Variants in TNIK observed in about 807,000 individuals in gnomAD.
TNIK encodes the protein TRAF2 and NCK interacting kinase, also known as TRAF2 and NCK-interacting protein kinase.
In TNIK, 49 loss-of-function variants were observed where a neutral mutation model predicts 191.3. The ratio of observed to expected loss-of-function variants is 0.26; its 90% confidence interval spans 0.20 to 0.32. The LOEUF (loss-of-function observed/expected upper bound fraction) is 0.32, where lower values mean the gene tolerates loss of function less well. Among genes scored for constraint, TNIK ranks in the 10% least tolerant of loss-of-function variants. The pLI is 1.00. For missense variants in TNIK, 1,155 were observed against 1,702.3 expected (o/e 0.68, Z 5.66); for synonymous variants, 594 against 600.9 (o/e 0.99, Z 0.17).
intron 2 of TNIK, among the ~76,000 whole-genome samples, chr3:171,290,414 A>T (rs1183297031): frequency 1.3e-5 from 2 of 152,144 alleles, no homozygotes; most frequent in African/African-American, 2.4e-5. Context: ...TAGGGAAATA[A>T]TTTTTTCTCA....
At chr3:171,104,399 A>G (rs1032322630) in intron 21 of TNIK, among the ~76,000 whole-genome samples, 10 of 150,638 alleles carry the variant, frequency 6.6e-5, no homozygotes, top group Admixed American at 5.9e-4. Context: ...GGCTGTCACA[A>G]GCCTGGAGCT....
intron 2 of TNIK, among the ~76,000 whole-genome samples, chr3:171,239,870 C>A (rs1161185139): frequency 6.6e-6 from 1 of 152,008 alleles, no homozygotes; most frequent in Non-Finnish European, 1.5e-5. Context: ...GAAACCTGTA[C>A]TCTCCCATCA....
intron 22 of TNIK, among the ~76,000 whole-genome samples, chr3:171,095,015 A>G (rs556868879): frequency 5.9e-5 from 9 of 152,352 alleles, no homozygotes; most frequent in African/African-American, 1.9e-4. Context: ...AGAAATATCT[A>G]CTAAGAACAT....
chr3:171,328,520 T>C (rs1043838950), intron 2 of TNIK, among the ~76,000 whole-genome samples: 7 of 152,228 alleles, frequency 4.6e-5, no homozygotes, highest in Non-Finnish European at 7.3e-5. Context: ...TACTAATCCT[T>C]ACCAAATTAT....
rs1040726554 is a variant in TNIK, at chr3:171,388,782, C to T, written c.58-19097G>A. Among the ~76,000 whole-genome samples the T allele has an allele frequency of 8.5e-5, 13 of 152,216 alleles. No homozygotes were observed. The East Asian group carries it at 2.5e-3, about 29-fold the overall frequency. On this transcript the variant is annotated intron_variant, in intron 1 of 32. Coordinates refer to ENST00000436636, the MANE Select transcript of TNIK (RefSeq NM_015028.4). ...CCTCCCCAGCAGAGCTTAGTTGCTT[C>T]TCCTTTGTGTTCTAACAGTATTTGA...
At position 171,190,692 on chromosome 3, in the gene TNIK, CT is replaced by C; in HGVS notation, c.508+4del. The C allele has an allele frequency of 6.3e-7, 1 of 1,580,792 alleles. No individual in the cohort carries two copies. Among genetic ancestry groups the C allele is most frequent in the Admixed American group, 1.8e-5 (1 of 55,218 alleles). ...ATTCCAAGGCTCACAGGATTCTGCT[CT>C]TACCTAGTTTAACTTCTGCATTTTC... On this transcript the variant is annotated splice_donor_region_variant and intron_variant, in intron 6 of 32. Transcript: ENST00000436636.
intron 18 of TNIK, among the ~76,000 whole-genome samples, chr3:171,118,990 G>T (rs990181524): frequency 7.2e-5 from 11 of 152,190 alleles, no homozygotes; most frequent in Non-Finnish European, 1.6e-4. Flanking sequence ...ACTACCATCA[G>T]AGTGAACAGC....
intron 2 of TNIK, among the ~76,000 whole-genome samples, chr3:171,311,317 C>G (rs905882602): frequency 6.6e-6 from 1 of 152,062 alleles, no homozygotes; most frequent in Non-Finnish European, 1.5e-5. Context: ...ATTATTCACT[C>G]ACTTGCTGAT....
intron 26 of TNIK, among the ~76,000 whole-genome samples, chr3:171,083,821 C>T (rs1019766337): frequency 5.3e-5 from 8 of 152,110 alleles, no homozygotes; most frequent in African/African-American, 7.2e-5. Flanking sequence ...AGACACAAAT[C>T]GCCTCTGATT....
intron 23 of TNIK, among the ~76,000 whole-genome samples, chr3:171,091,023 T>C (rs1358630762): frequency 1.3e-5 from 2 of 152,232 alleles, no homozygotes; most frequent in African/African-American, 4.8e-5. Context: ...AACTTTAACC[T>C]GCATTTATCT....
At chr3:171,201,607 G>A (rs890225025) in intron 4 of TNIK, among the ~76,000 whole-genome samples, 2 of 152,094 alleles carry the variant, frequency 1.3e-5, no homozygotes, top group African/African-American at 4.8e-5. Context: ...GGTACAGAAG[G>A]CTGCTTTATG....
chr3:171,308,273 C>T (rs4894790), intron 2 of TNIK, among the ~76,000 whole-genome samples: 12,323 of 152,078 alleles, frequency 0.081, 567 homozygotes, highest in Middle Eastern at 0.11. Flanking sequence ...TAAAGACACA[C>T]GCCTACAACC....
At chr3:171,392,738 C>A (rs539742802) in intron 1 of TNIK, among the ~76,000 whole-genome samples, 9 of 141,082 alleles carry the variant, frequency 6.4e-5, no homozygotes, top group African/African-American at 2.4e-4. Flanking sequence ...GAGATCGTGC[C>A]ATTGCACTCC....
At chr3:171,329,478 CT>C (rs1395231445) in intron 2 of TNIK, among the ~76,000 whole-genome samples, 5 of 152,048 alleles carry the variant, frequency 3.3e-5, no homozygotes, top group African/African-American at 1.2e-4. Context: ...GGTCATTTAC[CT>C]TAAACTCTGT....
At chr3:171,124,898 C>T (rs945002337) in intron 17 of TNIK, among the ~76,000 whole-genome samples, 3 of 152,024 alleles carry the variant, frequency 2.0e-5, no homozygotes, top group Non-Finnish European at 4.4e-5. Context: ...GCTCCTTTGC[C>T]CACTTTATTT....
intron 2 of TNIK, among the ~76,000 whole-genome samples, chr3:171,344,128 C>T (rs977739674): frequency 6.6e-6 from 1 of 152,106 alleles, no homozygotes; most frequent in African/African-American, 2.4e-5. Flanking sequence ...TCCTTTAAAC[C>T]CCATCCCATA....
At chr3:171,345,631 C>T (rs1253699719) in intron 2 of TNIK, among the ~76,000 whole-genome samples, 1 of 152,062 alleles carries the variant, frequency 6.6e-6, no homozygotes, top group African/African-American at 2.4e-5. Flanking sequence ...AGGCTATTTG[C>T]ACCACATCAG....
intron 27 of TNIK, among the ~76,000 whole-genome samples, chr3:171,081,311 A>G (rs1365756181): frequency 1.3e-5 from 2 of 152,062 alleles, no homozygotes; most frequent in Non-Finnish European, 2.9e-5. Flanking sequence ...TCAAAATGGA[A>G]GTACAGCTGA....
chr3:171,190,745 T>C lies in TNIK; in HGVS notation c.460A>G (p.Ile154Val), dbSNP rs969375247. 1.3e-6 allele frequency: 2 copies of C among 1,597,706 alleles called. No individual in the cohort carries two copies. The highest frequency in any genetic ancestry group is 1.3e-5 in the African/African-American group (1 of 74,834). Residue 154 changes from isoleucine (I) to valine (V), a missense_variant, in exon 6 of 33, where the codon ATT (isoleucine) becomes GTT (valine). Ile to Val is a conservative substitution (Grantham distance 29). Coordinates refer to ENST00000436636, the MANE Select transcript of TNIK (RefSeq NM_015028.4). Reference sequence around the variant, plus strand: ...GTCAGCAAGACATTTTGCCCTTTAATATCTCGATGAATCACTTTATGCTGG... The same window carrying C: ...GTCAGCAAGACATTTTGCCCTTTAACATCTCGATGAATCACTTTATGCTGG... ...LHQHKVIHRDIKGQNVLLTEN... is the reference protein window; with the variant it reads ...LHQHKVIHRDVKGQNVLLTEN...
Sources: gnomAD v4.1 joint callset for allele counts (sites outside exome capture counted in the v4.1 genomes callset) on GRCh38, gnomAD v4.1.1 for gene constraint, MANE v1.5 for transcripts, NCBI Gene and HGNC (gene_info 2026-07-23, HGNC 2026-07-21) for gene names.